Variants in FLVCR1 observed in about 807,000 individuals in gnomAD.
FLVCR1 encodes the protein choline/ethanolamine transporter FLVCR1.
Under a neutral mutation model 53.6 loss-of-function variants are expected in FLVCR1, and 34 were observed. That is an observed-to-expected ratio of 0.63 (90% CI 0.48 to 0.84). FLVCR1 has a LOEUF of 0.84. FLVCR1 is among the 40% of genes least tolerant of loss of function. FLVCR1 has a pLI of 0.00. For missense variants in FLVCR1, 677 were observed against 696.7 expected, an observed-to-expected ratio of 0.97 and a Z score of 0.32; for synonymous variants, 300 against 286.3, an observed-to-expected ratio of 1.05 and a Z score of -0.48.
chr1:212,886,666 G>A (rs1044670651), intron 5 of FLVCR1, among the ~76,000 whole-genome samples: 3 of 151,988 alleles, frequency 2.0e-5, no homozygotes, highest in Admixed American at 1.3e-4. Flanking sequence ...CAAGTGTGGT[G>A]GTGGGCACCT....
intron 8 of FLVCR1, among the ~76,000 whole-genome samples, chr1:212,892,745 A>C (rs1665225308): frequency 6.6e-6 from 1 of 152,190 alleles, no homozygotes; most frequent in Non-Finnish European, 1.5e-5. Flanking sequence ...TGTAGCTGCC[A>C]GAAATAATTA....
intron 2 of FLVCR1, among the ~76,000 whole-genome samples, chr1:212,865,125 AC>A (rs1442677275): frequency 1.5e-5 from 2 of 137,252 alleles, no homozygotes; most frequent in Non-Finnish European, 3.3e-5. Flanking sequence ...TAAAAAAAAA[AC>A]ACCAAAATTC....
intron 2 of FLVCR1, among the ~76,000 whole-genome samples, chr1:212,867,996 G>C (rs1287711824): frequency 6.6e-6 from 1 of 151,802 alleles, no homozygotes; most frequent in Non-Finnish European, 1.5e-5. Context: ...GTAGAGATGG[G>C]GTTTCACCGT....
At chr1:212,874,916 TACACACACAC>T (rs57061343) in intron 3 of FLVCR1, among the ~76,000 whole-genome samples, 1 of 149,362 alleles carries the variant, frequency 6.7e-6, no homozygotes, top group Non-Finnish European at 1.5e-5. Context: ...GTCACAGACG[TACACACACAC>T]ACACACACAC....
intron 3 of FLVCR1, among the ~76,000 whole-genome samples, chr1:212,874,916 T>TACAC (rs57061343): frequency 0.18 from 26,438 of 149,384 alleles, 3,063 homozygotes; most frequent in East Asian, 0.4. Context: ...GTCACAGACG[T>TACAC]ACACACACAC....
intron 3 of FLVCR1, 136 bp from the exon 4 acceptor site, chr1:212,883,235 G>A (rs1454448549): frequency 7.7e-6 from 5 of 647,856 alleles, no homozygotes; most frequent in South Asian, 3.6e-5. Flanking sequence ...TTTATCAACT[G>A]TGTTAAGAAA....
chr1:212,874,884 A>C (rs574977067), intron 3 of FLVCR1, among the ~76,000 whole-genome samples: 2 of 150,958 alleles, frequency 1.3e-5, no homozygotes, highest in South Asian at 4.2e-4. Flanking sequence ...ATTCTCTTTC[A>C]GCCACACTTA....
At chr1:212,894,305 C>T (rs534215813) in intron 8 of FLVCR1, among the ~76,000 whole-genome samples, 23 of 152,140 alleles carry the variant, frequency 1.5e-4, no homozygotes, top group Middle Eastern at 6.8e-3. Context: ...AGGTGCGTGC[C>T]GCCACGCCTG....
chr1:212,893,282 C>T (rs772913326), intron 8 of FLVCR1, among the ~76,000 whole-genome samples: 20 of 152,000 alleles, frequency 1.3e-4, no homozygotes, highest in Non-Finnish European at 5.9e-5. Flanking sequence ...GTTTTGATTT[C>T]CTGACCTTGT....
chr1:212,886,039 G>GTTTTTTT (rs1477656980), intron 5 of FLVCR1, among the ~76,000 whole-genome samples: 1 of 66,302 alleles, frequency 1.5e-5, no homozygotes, highest in African/African-American at 5.7e-5. Context: ...ACTTTATCTT[G>GTTTTTTT]TTCTTTTTTT....
At chr1:212,888,030 G>T (rs2102568935) in intron 6 of FLVCR1, 29 bp downstream of exon 6, 1 of 1,194,434 alleles carries the variant, frequency 8.4e-7, no homozygotes, top group Non-Finnish European at 1.3e-6. Context: ...TAGGAGGAAT[G>T]ATAGCATGCT....
chr1:212,894,565 T>C (rs1665285436), intron 8 of FLVCR1, among the ~76,000 whole-genome samples: 1 of 152,200 alleles, frequency 6.6e-6, no homozygotes. Flanking sequence ...TGACAAGTTA[T>C]TACTCAGTTT....
At chr1:212,883,272 T>C in intron 3 of FLVCR1, 99 bp from the exon 4 acceptor site, 1 of 726,152 alleles carries the variant, frequency 1.4e-6, no homozygotes, top group Non-Finnish European at 2.5e-6. Context: ...TCACATAATA[T>C]TCCATGTCAC....
At chr1:212,876,176 T>A (rs1664747296) in intron 3 of FLVCR1, among the ~76,000 whole-genome samples, 1 of 151,866 alleles carries the variant, frequency 6.6e-6, no homozygotes, top group Non-Finnish European at 1.5e-5. Context: ...CTGATGCTCT[T>A]CCTCCCCCAA....
chr1:212,870,201 T>C (rs980299713), intron 2 of FLVCR1: 3 of 152,222 alleles, frequency 2.0e-5, no homozygotes, highest in Non-Finnish European at 4.4e-5. Context: ...ATTTATGAGT[T>C]ATATCTCCTC....
At chr1:212,862,734 T>C (rs1274222729) in intron 1 of FLVCR1, among the ~76,000 whole-genome samples, 1 of 152,230 alleles carries the variant, frequency 6.6e-6, no homozygotes, top group Non-Finnish European at 1.5e-5. Context: ...GGTAATTCTA[T>C]GTTAAACTTA....
intron 2 of FLVCR1, among the ~76,000 whole-genome samples, chr1:212,865,325 A>G (rs1333454376): frequency 2.2e-5 from 3 of 137,722 alleles, no homozygotes; most frequent in Non-Finnish European, 4.5e-5. Context: ...TTCCCCTTCC[A>G]GTGTCCATGT....
chr1:212,882,292 T>C (rs12731517), intron 3 of FLVCR1, among the ~76,000 whole-genome samples: 70,486 of 152,044 alleles, frequency 0.46, 17,582 homozygotes, highest in East Asian at 0.56. Context: ...AATAGAATAC[T>C]GTACAACAGA....
intron 8 of FLVCR1, 127 bp downstream of exon 8, chr1:212,889,384 TTTC>T (rs1665134057): frequency 1.3e-5 from 9 of 699,010 alleles, no homozygotes; most frequent in South Asian, 1.1e-4. Flanking sequence ...CATTATTTGT[TTTC>T]TTCTAAAGAC....
Sources: allele counts gnomAD v4.1 joint callset (sites outside exome capture counted in the v4.1 genomes callset), GRCh38; gene constraint gnomAD v4.1.1; transcripts MANE v1.5; gene names NCBI Gene and HGNC (gene_info 2026-07-23, HGNC 2026-07-21).